Variants in COL12A1 observed in about 807,000 individuals in gnomAD.
COL12A1 encodes the protein collagen alpha-1(XII) chain.
A neutral mutation model predicts 349.7 loss-of-function variants in COL12A1; 114 were observed. The observed-to-expected ratio is 0.33, with a 90% confidence interval of 0.28 to 0.38. COL12A1 has a LOEUF of 0.38. COL12A1 is among the 10% of genes least tolerant of loss of function. The pLI, the probability that COL12A1 is intolerant of heterozygous loss-of-function variation, is 1.00. For synonymous variants in COL12A1, 1,369 were observed against 1,329.0 expected (o/e 1.03, Z -0.66); for missense variants, 3,284 against 3,756.9 (o/e 0.87, Z 3.29).
At position 75,183,568 on chromosome 6, in the gene COL12A1, T is replaced by G; in HGVS notation, c.1373A>C (p.Lys458Thr). The change falls in exon 10 of 66, where the codon AAA (lysine) becomes ACA (threonine). Residue 458 changes from lysine to threonine, a missense_variant. Lys to Thr is a moderately conservative substitution (Grantham distance 78, BLOSUM62 -1). This residue lies in a region of COL12A1 where 2,601 missense variants were observed against 2,824.8 expected (regional missense o/e 0.92). Coordinates refer to ENST00000322507, the MANE Select transcript of COL12A1 (RefSeq NM_004370.6). ...AAGAACTTCCAAAAAGGCTCTAACT[T>G]TAACAAAGTTTGCAATCCCAATGCT... is the stretch of plus-strand genomic sequence containing the variant. The part of the protein sequence containing the change: ...SYSIGIANFV[K>T]VRAFLEVLVK... 1 of 1,614,104 alleles carries G rather than the reference T, an allele frequency of 6.2e-7. No homozygotes were observed. The highest frequency in any genetic ancestry group is 2.2e-5 in the East Asian group (1 of 44,874).
rs749005420 is a variant in COL12A1 at position 75,087,654 on chromosome 6, C to T, written c.9104G>A (p.Arg3035Gln). The part of the protein sequence containing the change: ...PPGRPGNSGI[R>Q]GPPGPPGYCD... ...GTATCCAGGAGGACCTGGGGGTCCT[C>T]GGATACCTGAGTTTCCAGGACGGCC... The change falls in exon 65 of 66, where the codon CGA (arginine) becomes CAA (glutamine). Residue 3035 changes from arginine to glutamine, a missense_variant. Physicochemically the swap from Arg to Gln is conservative, Grantham distance 43. This residue lies in a region of COL12A1 where 683 missense variants were observed against 932.1 expected (regional missense o/e 0.73). Coordinates refer to ENST00000322507, the MANE Select transcript of COL12A1 (RefSeq NM_004370.6). 88 of 1,611,184 alleles carry T rather than the reference C, an allele frequency of 5.5e-5. No individual in the cohort carries two copies. The highest frequency in any genetic ancestry group is 2.9e-4 in the South Asian group (26 of 90,586).
At chr6:75,168,898 T>A (rs1236758823) in intron 13 of COL12A1, among the ~76,000 whole-genome samples, 1 of 152,216 alleles carries the variant, frequency 6.6e-6, no homozygotes, top group Non-Finnish European at 1.5e-5. Context: ...TCTGTAGGAC[T>A]GCTGGGTGGC....
At chr6:75,149,196 C>A (rs1035494405) in intron 21 of COL12A1, among the ~76,000 whole-genome samples, 1 of 152,100 alleles carries the variant, frequency 6.6e-6, no homozygotes, top group African/African-American at 2.4e-5. Context: ...CCTCTCTCTA[C>A]CCTTGTACAT....
intron 3 of COL12A1, among the ~76,000 whole-genome samples, chr6:75,194,196 T>C (rs988772475): frequency 2.0e-5 from 3 of 152,134 alleles, no homozygotes; most frequent in African/African-American, 4.8e-5. Flanking sequence ...TCAGTGGAAA[T>C]GGTTATTTTC....
chr6:75,091,440 T>G, intron 61 of COL12A1, 50 bp downstream of exon 61: 1 of 1,612,196 alleles, frequency 6.2e-7, no homozygotes. Flanking sequence ...AGTTTTAGGC[T>G]TCAATGTTTA....
intron 65 of COL12A1, 91 bp from the exon 66 acceptor site, chr6:75,086,648 G>C: frequency 3.5e-6 from 1 of 288,142 alleles, no homozygotes; most frequent in Non-Finnish European, 6.5e-6. Context: ...AATGGTTAAA[G>C]TATATATATA....
chr6:75,129,697 G>A (rs1582096539), intron 37 of COL12A1, among the ~76,000 whole-genome samples: 1 of 152,176 alleles, frequency 6.6e-6, no homozygotes, highest in African/African-American at 2.4e-5. Context: ...CCTTGTAGAG[G>A]AATTAGATTT....
chr6:75,087,524 G>A (rs116059284), intron 65 of COL12A1, 53 bp downstream of exon 65: 306 of 1,584,026 alleles, frequency 1.9e-4, no homozygotes, highest in African/African-American at 1.8e-3. Context: ...CTTCATTTCC[G>A]TAAAGTTCTT....
chr6:75,149,964 T>A (rs1201237409), intron 21 of COL12A1, among the ~76,000 whole-genome samples: 1 of 152,170 alleles, frequency 6.6e-6, no homozygotes, highest in East Asian at 1.9e-4. Flanking sequence ...CAGGCTGGTC[T>A]ATTTCTCCAG....
intron 58 of COL12A1, among the ~76,000 whole-genome samples, chr6:75,097,508 G>A (rs1212896501): frequency 2.6e-5 from 4 of 152,166 alleles, no homozygotes; most frequent in Non-Finnish European, 4.4e-5. Context: ...TTTAACTTAT[G>A]CCTTTTACTG....
chr6:75,189,966 T>C (rs1006823201), intron 5 of COL12A1, 151 bp from the exon 6 acceptor site: 3 of 803,246 alleles, frequency 3.7e-6, no homozygotes, highest in Middle Eastern at 2.7e-4. Flanking sequence ...CAAAGAAATA[T>C]ACAATTTTAC....
In COL12A1 at chr6:75,192,242, C is replaced by G; in HGVS notation, c.304G>C (p.Glu102Gln). The G allele has an allele frequency of 6.2e-7, 1 of 1,606,612 alleles. No individual in the cohort carries two copies. The highest frequency in any genetic ancestry group is 1.1e-5 in the South Asian group (1 of 90,008). The change falls in exon 4 of 66, where the codon GAA becomes CAA. Residue 102 changes from glutamate to glutamine, a missense_variant. Transcript: ENST00000322507. The part of the protein sequence containing the change: ...VTITSYDEVE[E>Q]SVPVIGQLTI... ...AGTTGTCCTATAACTGGTACACTTT[C>G]TTCTACTTCATCATATGAAGTTATT... is the stretch of plus-strand genomic sequence containing the variant.
chr6:75,202,549 G>C (rs1484204949), intron 2 of COL12A1, among the ~76,000 whole-genome samples, 171 bp downstream of exon 2: 1 of 152,234 alleles, frequency 6.6e-6, no homozygotes, highest in Non-Finnish European at 1.5e-5. Context: ...CCTGAGAGCT[G>C]GGAAATGGAC....
At chr6:75,198,314 C>T (rs1395968958) in intron 2 of COL12A1, among the ~76,000 whole-genome samples, 1 of 151,802 alleles carries the variant, frequency 6.6e-6, no homozygotes, top group Non-Finnish European at 1.5e-5. Flanking sequence ...CTTAGCATTC[C>T]AATAGTGGAA....
At chr6:75,160,754 T>C (rs1396212653) in intron 14 of COL12A1, among the ~76,000 whole-genome samples, 1 of 152,134 alleles carries the variant, frequency 6.6e-6, no homozygotes, top group Non-Finnish European at 1.5e-5. Context: ...AGCCCTCACC[T>C]AACGTTAAAT....
intron 10 of COL12A1, among the ~76,000 whole-genome samples, chr6:75,182,629 T>G (rs957900153): frequency 6.6e-6 from 1 of 152,132 alleles, no homozygotes; most frequent in African/African-American, 2.4e-5. Context: ...CCCAAAATGA[T>G]TCAGGAAAGG....
Position 75,202,775 on chromosome 6 carries a change from G to T in COL12A1, c.18C>A (p.Pro6=). The change falls in exon 2 of 66, where the codon CCC becomes CCA. Residue 6 remains proline (P), a synonymous_variant. Transcript: ENST00000322507. Reference sequence around the variant, plus strand: ...CCGCGCCCAGGGCGGCAAGCGCTGGGGGAAGCCTACTCCGCATCCTTGGCC... The same window carrying T: ...CCGCGCCCAGGGCGGCAAGCGCTGGTGGAAGCCTACTCCGCATCCTTGGCC... MRSRL[P]PALAALGAAL... The T allele has an allele frequency of 6.4e-7, 1 of 1,551,862 alleles. No individual in the cohort carries two copies. The highest frequency in any genetic ancestry group is 8.7e-7 in the Non-Finnish European group (1 of 1,147,018).
At chr6:75,100,532 A>G (rs1768258733) in intron 58 of COL12A1, among the ~76,000 whole-genome samples, 1 of 152,188 alleles carries the variant, frequency 6.6e-6, no homozygotes, top group South Asian at 2.1e-4. Flanking sequence ...GAAGATGTGT[A>G]TGTCAGAACT....
intron 27 of COL12A1, 47 bp downstream of exon 27, chr6:75,141,985 T>C: frequency 6.2e-7 from 1 of 1,610,390 alleles, no homozygotes; most frequent in South Asian, 1.1e-5. Flanking sequence ...TACACATGCA[T>C]GTAAAGTGTT....
Sources: allele counts gnomAD v4.1 joint callset (sites outside exome capture counted in the v4.1 genomes callset), GRCh38; gene constraint gnomAD v4.1.1; regional missense constraint gnomAD v4.1.1; transcripts MANE v1.5; gene names NCBI Gene and HGNC (gene_info 2026-07-23, HGNC 2026-07-21).